Variants in CEP131 observed in about 807,000 individuals in gnomAD.
CEP131 encodes centrosomal protein 131.
A neutral mutation model predicts 136.8 loss-of-function variants in CEP131; 99 were observed. The ratio of observed to expected loss-of-function variants is 0.72; its 90% CI spans 0.62 to 0.86. CEP131 has a LOEUF of 0.86. Ranked by LOEUF, CEP131 falls within the 40% of genes least tolerant of loss-of-function variation. CEP131 has a pLI of 0.00. For missense variants in CEP131, 1,459 were observed against 1,463.0 expected (o/e 1.00, Z 0.04); for synonymous variants, 646 against 612.7 (o/e 1.05, Z -0.80).
chr17:81,196,970 T>A lies in CEP131; in HGVS notation c.1733A>T (p.Glu578Val). The A allele has an allele frequency of 1.9e-6, 3 of 1,608,190 alleles. No individual in the cohort carries two copies. Among genetic ancestry groups the A allele is most frequent in the Non-Finnish European group, 2.5e-6 (3 of 1,177,790 alleles). ...TSVMRLKLEV[E>V]EKKQAMLLLQ... is the part of the protein sequence containing the mutation. ...CAGCAGCATGGCCTGCTTCTTCTCCTCCACCTCCAGCTTCAGCCGCATCAC... is the reference window on the plus strand; with the variant it reads ...CAGCAGCATGGCCTGCTTCTTCTCCACCACCTCCAGCTTCAGCCGCATCAC... The change falls in exon 14 of 26, where the codon GAG becomes GTG. Residue 578 changes from glutamate (E) to valine (V), a missense_variant. Glu to Val is a moderately radical substitution (Grantham distance 121). Coordinates refer to ENST00000450824, the MANE Select transcript of CEP131 (RefSeq NM_014984.4).
At chr17:81,204,864 C>G (rs1041388979) in intron 5 of CEP131, among the ~76,000 whole-genome samples, 1 of 152,028 alleles carries the variant, frequency 6.6e-6, no homozygotes, top group Non-Finnish European at 1.5e-5. Context: ...GTTCTTGGAG[C>G]GCGGCTCATC....
At position 81,190,709 on chromosome 17, in the gene CEP131, G is replaced by A. The variant is rs755256899; in HGVS notation, c.3037C>T (p.Arg1013Trp). 1.3e-5 allele frequency: 21 copies of A among 1,608,996 alleles called. No homozygotes were observed. Among genetic ancestry groups the A allele is most frequent in the South Asian group, 1.2e-4 (11 of 90,698 alleles). Residue 1013 changes from arginine (R) to tryptophan (W), a missense_variant, in exon 24 of 26, where the codon CGG (arginine) becomes TGG (tryptophan). Physicochemically the swap from Arg to Trp is moderately radical, Grantham distance 101 (BLOSUM62 -3). Around this residue, in one of 3 missense-constraint regions of CEP131, gnomAD observed 1,026 missense variants for 964.2 expected, o/e 1.06. Coordinates refer to ENST00000450824, the MANE Select transcript of CEP131 (RefSeq NM_014984.4). ...DRLAASEEETRQAKAELATLQ... is the reference protein window; with the variant it reads ...DRLAASEEETWQAKAELATLQ... ...GTGGCCAGCTCGGCCTTGGCCTGCC[G>A]CGTCTCCTCCTCAGAGGCTGCCAGC...
intron 11 of CEP131, 74 bp from the exon 12 acceptor site, chr17:81,198,371 C>A: frequency 6.9e-7 from 1 of 1,449,598 alleles, no homozygotes. Context: ...GGAGGCCAAC[C>A]GCAGAGCCCC....
Position 81,193,935 on chromosome 17 carries a change from G to A in CEP131, c.2312C>T (p.Ala771Val). ...TGGGGCCACCACCCACCGCTGCCGAGCACGTTCGCGCTCCTGCTGGCCCAG... is the reference window on the plus strand; with the variant it reads ...TGGGGCCACCACCCACCGCTGCCGAACACGTTCGCGCTCCTGCTGGCCCAG... ...EALGQQERER[A>V]RQRFQQHLEQ... Residue 771 changes from alanine to valine, a missense_variant, in exon 18 of 26, where the codon GCT becomes GTT. This residue lies in a region of CEP131 where 1,026 missense variants were observed against 964.2 expected (regional missense o/e 1.06). Transcript: ENST00000450824. 1 of 1,534,510 alleles carries A rather than the reference G, an allele frequency of 6.5e-7. No individual in the cohort carries two copies. The highest frequency in any genetic ancestry group is 1.2e-5 in the South Asian group (1 of 83,522).
chr17:81,213,125 A>T lies in CEP131; in HGVS notation c.178-4103T>A, dbSNP rs74843537. Among the ~76,000 whole-genome samples, 335 of 152,352 alleles carry T rather than the reference A, an allele frequency of 2.2e-3. 4 individuals carry two copies. Among genetic ancestry groups the T allele is most frequent in the African/African-American group, 7.7e-3 (319 of 41,574 alleles). On this transcript the variant is annotated intron_variant, in intron 2 of 25. Transcript: ENST00000450824. ...AAGACAAAGTGATGGGCAATGACACAGGGACCCAGGAGCCACCTGAAAGTT... is the reference window on the plus strand; with the variant it reads ...AAGACAAAGTGATGGGCAATGACACTGGGACCCAGGAGCCACCTGAAAGTT...
At position 81,194,968 on chromosome 17, in the gene CEP131, A is replaced by T; in HGVS notation, c.2021T>A (p.Ile674Asn). The change falls in exon 17 of 26, where the codon ATT (isoleucine) becomes AAT (asparagine). Residue 674 changes from isoleucine to asparagine, a missense_variant. This residue lies in a region of CEP131 where 1,026 missense variants were observed against 964.2 expected (regional missense o/e 1.06). Coordinates refer to ENST00000450824, the MANE Select transcript of CEP131 (RefSeq NM_014984.4). Reference sequence around the variant, plus strand: ...GCTCATTAATTCTTTGAGTTTTTTAATCTCCTACGAGCAGAACAGGGCAGG... The same window carrying T: ...GCTCATTAATTCTTTGAGTTTTTTATTCTCCTACGAGCAGAACAGGGCAGG... The part of the protein sequence containing the change: ...AQAQAQHELE[I>N]KKLKELMSAT... 6.2e-7 allele frequency: 1 copy of T among 1,608,404 alleles called. No individual in the cohort carries two copies. Among genetic ancestry groups the T allele is most frequent in the South Asian group, 1.1e-5 (1 of 90,982 alleles).
chr17:81,198,318 A>G, intron 11 of CEP131, 21 bp from the exon 12 acceptor site: 2 of 1,570,960 alleles, frequency 1.3e-6, no homozygotes, highest in Non-Finnish European at 1.7e-6. Context: ...GCAGGGAGAC[A>G]GATGCAGCAA....
chr17:81,198,747 C>A, intron 11 of CEP131, 130 bp downstream of exon 11: 1 of 904,580 alleles, frequency 1.1e-6, no homozygotes, highest in Non-Finnish European at 1.7e-6. Flanking sequence ...TCCTGGGTGG[C>A]CTCTCTGAGC....
intron 5 of CEP131, 147 bp downstream of exon 5, chr17:81,206,597 G>T: frequency 8.4e-7 from 1 of 1,193,600 alleles, no homozygotes; most frequent in Non-Finnish European, 1.2e-6. Context: ...CTATGCCCTT[G>T]GGAATGAAAG....
In CEP131 at chr17:81,217,542, C is replaced by T. The variant is rs529807650; in HGVS notation, c.177+2338G>A. Among the ~76,000 whole-genome samples the T allele has an allele frequency of 1.0e-3, 159 of 152,196 alleles. 2 individuals are homozygous for T. In the South Asian group the frequency reaches 0.03, roughly 29 times the overall value. ...GGCAGGTGGCCGAGAGGATGGGGAC[C>T]GGGCACAACAGAAACCCCTGAGGTC... On this transcript the variant is annotated intron_variant, in intron 2 of 25. Coordinates refer to ENST00000450824, the MANE Select transcript of CEP131 (RefSeq NM_014984.4).
In CEP131 at chr17:81,196,928, ACCAG is replaced by A. The variant is rs1322200654; in HGVS notation, c.1771_1773+1del. On this transcript the variant is annotated splice_donor_variant and coding_sequence_variant, in exon 14 of 26. Transcript: ENST00000450824. LOFTEE classifies it high-confidence loss of function. ...CGGGATTAGCAGTGCCAGCAGCGTTACCAGCGCTCTCTGCAGCAGCAGCATGGCC... is the reference window on the plus strand; with the variant it reads ...CGGGATTAGCAGTGCCAGCAGCGTTACGCTCTCTGCAGCAGCAGCATGGCC... 12 of 1,609,494 alleles carry A rather than the reference ACCAG, an allele frequency of 7.5e-6. No individual in the cohort carries two copies. The East Asian group carries it at 2.7e-4, about 36-fold the overall frequency.
In CEP131 at chr17:81,203,529, C is replaced by T. The variant is rs776727095; in HGVS notation, c.594G>A (p.Pro198=). ...NRYTPSERAP[P]LKSSNQTAPS... is the part of the protein sequence containing the mutation. ...GGGCAGTCTGGTTGGAGCTCTTGAG[C>T]GGAGGCGCCCTCTCCGAGGGGGTGT... The change falls in exon 6 of 26, where the codon CCG becomes CCA. Residue 198 remains proline (P), a synonymous_variant. Transcript: ENST00000450824. The surrounding 1 kb of genome is among the most constrained non-coding windows in gnomAD (Gnocchi z 4.6). 1.6e-5 allele frequency: 26 copies of T among 1,608,216 alleles called. No homozygotes were observed. Among genetic ancestry groups the T allele is most frequent in the East Asian group, 1.3e-4 (6 of 44,792 alleles).
At position 81,192,310 on chromosome 17, in the gene CEP131, GC is replaced by G; in HGVS notation, c.2622+7del. ...AACCCCTGCCCACCTGGGTGCCCAGGCCCCCACCTCCTTCCTGGTGCGGCCG... is the reference window on the plus strand; with the variant it reads ...AACCCCTGCCCACCTGGGTGCCCAGGCCCCACCTCCTTCCTGGTGCGGCCG... On this transcript the variant is annotated splice_region_variant and intron_variant, in intron 21 of 25. Transcript: ENST00000450824. The G allele has an allele frequency of 6.4e-7, 1 of 1,550,542 alleles. No homozygotes were observed. Among genetic ancestry groups the G allele is most frequent in the Non-Finnish European group, 8.7e-7 (1 of 1,148,294 alleles).
chr17:81,197,088 G>A (rs1398018077), intron 13 of CEP131, 33 bp from the exon 14 acceptor site: 2 of 1,567,048 alleles, frequency 1.3e-6, no homozygotes, highest in Non-Finnish European at 8.6e-7. Context: ...GGCGGAAGCG[G>A]CAGAGGACGG....
chr17:81,217,763 C>T (rs968018170), intron 2 of CEP131, among the ~76,000 whole-genome samples: 6 of 152,128 alleles, frequency 3.9e-5, no homozygotes, highest in African/African-American at 1.2e-4. Flanking sequence ...ACTGCGGGAG[C>T]GGGCAATGGT....
At position 81,196,968 on chromosome 17, in the gene CEP131, C is replaced by T. The variant is rs1480893735; in HGVS notation, c.1735G>A (p.Glu579Lys). The T allele has an allele frequency of 4.4e-6, 7 of 1,607,834 alleles. No homozygotes were observed. In the African/African-American group the frequency reaches 9.4e-5, roughly 21 times the overall value. The change falls in exon 14 of 26, where the codon GAG becomes AAG. Residue 579 changes from glutamate (E) to lysine (K), a missense_variant. This residue lies in a region of CEP131 where 1,026 missense variants were observed against 964.2 expected (regional missense o/e 1.06). Transcript: ENST00000450824. ...AGCAGCAGCATGGCCTGCTTCTTCT[C>T]CTCCACCTCCAGCTTCAGCCGCATC... ...SVMRLKLEVE[E>K]KKQAMLLLQR...
chr17:81,202,553 G>A (rs926848720), intron 6 of CEP131, among the ~76,000 whole-genome samples, 155 bp from the exon 7 acceptor site: 1 of 152,224 alleles, frequency 6.6e-6, no homozygotes, highest in Non-Finnish European at 1.5e-5. Flanking sequence ...CGGCAGGTGC[G>A]AGGCCGGCTC....
In CEP131 at chr17:81,219,927, G is replaced by C. The variant is rs145522664; in HGVS notation, c.130C>G (p.Arg44Gly). 1 of 1,611,908 alleles carries C rather than the reference G, an allele frequency of 6.2e-7. No homozygotes were observed. The highest frequency in any genetic ancestry group is 1.7e-5 in the Admixed American group (1 of 59,724). ...GSAATTKPIV[R>G]SVSVVTGSEQ... ...CTGCCTGTGACCACGGAGACAGAGC[G>C]GACGATGGGCTTGGTGGTGGCGGCA... Residue 44 changes from arginine to glycine, a missense_variant, in exon 2 of 26, where the codon CGC becomes GGC. Arg to Gly is a moderately radical substitution (Grantham distance 125). This residue lies in a region of CEP131 where 187 missense variants were observed against 179.9 expected (regional missense o/e 1.04). Coordinates refer to ENST00000450824, the MANE Select transcript of CEP131 (RefSeq NM_014984.4). This position sits in a 1 kb window ranked among gnomAD's most constrained non-coding sequence, Gnocchi z 4.0.
intron 2 of CEP131, among the ~76,000 whole-genome samples, chr17:81,209,226 C>T (rs1005208124): frequency 3.9e-5 from 6 of 152,246 alleles, no homozygotes; most frequent in Non-Finnish European, 7.4e-5. Context: ...GGCTCAGGCC[C>T]GACCTCTAAG....
Sources: gnomAD v4.1 joint callset for allele counts (sites outside exome capture counted in the v4.1 genomes callset) on GRCh38, gnomAD v4.1.1 for gene constraint, gnomAD v4.1.1 regional missense constraint, Gnocchi (gnomAD v3.1) non-coding constraint, MANE v1.5 for transcripts, NCBI Gene and HGNC (gene_info 2026-07-23, HGNC 2026-07-21) for gene names.